Variants in NIPAL4 observed in about 807,000 individuals in gnomAD.
NIPAL4 encodes the protein NIPA like domain containing 4.
Under a neutral mutation model 31.6 loss-of-function variants are expected in NIPAL4, and 21 were observed. The observed-to-expected ratio is 0.67, with a 90% CI of 0.47 to 0.96. The LOEUF (loss-of-function observed/expected upper bound fraction) is 0.96. Among genes scored for constraint, NIPAL4 ranks in the 40% least tolerant of loss-of-function variants. The pLI, the probability that NIPAL4 is intolerant of heterozygous loss-of-function variation, is 0.00. For missense variants in NIPAL4, 438 were observed against 508.0 expected, an observed-to-expected ratio of 0.86 and a Z score of 1.32; for synonymous variants, 175 against 211.1, an observed-to-expected ratio of 0.83 and a Z score of 1.48.
chr5:157,461,407 T>C (rs1754102176), intron 1 of NIPAL4, among the ~76,000 whole-genome samples: 1 of 152,334 alleles, frequency 6.6e-6, no homozygotes, highest in African/African-American at 2.4e-5. Context: ...GGCTTTACTG[T>C]GACAGCCAAG....
rs772226292 is a variant in NIPAL4, at chr5:157,463,276, G to A, written c.220G>A (p.Val74Ile). 2.4e-5 allele frequency: 39 copies of A among 1,613,736 alleles called. No homozygotes were observed. Among genetic ancestry groups the A allele is most frequent in the African/African-American group, 1.2e-4 (9 of 74,916 alleles). ...FLSSFLIGSS[V>I]ILKKKGLLRL... ...GTCTAGCTTCCTCATCGGCAGCAGC[G>A]TCATCCTCAAGAAGAAAGGCCTCTT... Residue 74 changes from valine to isoleucine, a missense_variant, in exon 2 of 6, where the codon GTC (valine) becomes ATC (isoleucine). By Grantham distance (29) the Val-to-Ile change is conservative (BLOSUM62 3). Coordinates refer to ENST00000311946, the MANE Select transcript of NIPAL4 (RefSeq NM_001099287.2).
intron 1 of NIPAL4, chr5:157,460,685 A>C: frequency 1.8e-6 from 1 of 556,060 alleles, no homozygotes; most frequent in Non-Finnish European, 3.4e-6. Flanking sequence ...TGTGTTTTTA[A>C]TGTGTAGTTG....
Position 157,463,284 on chromosome 5 carries a change from C to T in NIPAL4, c.228C>T (p.Leu76=). The change falls in exon 2 of 6, where the codon CTC becomes CTT. Residue 76 remains leucine, a synonymous_variant. Transcript: ENST00000311946. Reference sequence around the variant, plus strand: ...TCCTCATCGGCAGCAGCGTCATCCTCAAGAAGAAAGGCCTCTTGCGACTCG... The same window carrying T: ...TCCTCATCGGCAGCAGCGTCATCCTTAAGAAGAAAGGCCTCTTGCGACTCG... ...SSFLIGSSVI[L]KKKGLLRLVA... The T allele has an allele frequency of 6.2e-7, 1 of 1,613,776 alleles. No individual in the cohort carries two copies. Among genetic ancestry groups the T allele is most frequent in the East Asian group, 2.2e-5 (1 of 44,870 alleles).
intron 1 of NIPAL4, 34 bp downstream of exon 1, chr5:157,460,391 C>T: frequency 6.6e-7 from 1 of 1,521,616 alleles, no homozygotes; most frequent in East Asian, 2.5e-5. Context: ...CAGGCGGGCT[C>T]CGCGCTTCGC....
intron 2 of NIPAL4, among the ~76,000 whole-genome samples, chr5:157,464,822 TC>T (rs766666961): frequency 2.6e-5 from 4 of 152,214 alleles, no homozygotes; most frequent in Non-Finnish European, 5.9e-5. Context: ...TAATTCTGGC[TC>T]CTCAATTCCT....
Position 157,468,807 on chromosome 5 carries a change from C to T in NIPAL4, c.420C>T (p.Leu140=), listed in dbSNP as rs1754350366. The change falls in exon 4 of 6, where the codon CTC becomes CTT. Residue 140 remains leucine, a synonymous_variant. Transcript: ENST00000311946. ...VVTPLGALSV[L]ISAILSSYFL... is the part of the protein sequence containing the mutation. The stretch of plus-strand genomic sequence containing the variant: ...CGCCTCTGGGAGCGCTGAGTGTCCT[C>T]ATAAGGTTATTGTCCCCTCTCTAGC... The T allele has an allele frequency of 1.3e-6, 2 of 1,597,836 alleles. No individual in the cohort carries two copies. Among genetic ancestry groups the T allele is most frequent in the African/African-American group, 1.3e-5 (1 of 74,382 alleles).
intron 2 of NIPAL4, among the ~76,000 whole-genome samples, chr5:157,465,446 G>A (rs551407609): frequency 7.8e-4 from 118 of 152,216 alleles, no homozygotes; most frequent in Middle Eastern, 3.4e-3. Flanking sequence ...TTAGAAAAGT[G>A]GGCATTCCCA....
At chr5:157,471,903 C>T in intron 5 of NIPAL4, 86 bp downstream of exon 5, 1 of 1,028,170 alleles carries the variant, frequency 9.7e-7, no homozygotes, top group Non-Finnish European at 1.5e-6. Flanking sequence ...TGGGTTCTGA[C>T]CACCTCAGGT....
At chr5:157,463,452 C>A in intron 2 of NIPAL4, 119 bp downstream of exon 2, 1 of 1,212,824 alleles carries the variant, frequency 8.2e-7, no homozygotes, top group Non-Finnish European at 1.1e-6. Flanking sequence ...TCAACCCTAT[C>A]TGGAATCCCA....
At position 157,466,954 on chromosome 5, in the gene NIPAL4, C is replaced by T. The variant is rs545168976; in HGVS notation, c.278-95C>T. The T allele has an allele frequency of 8.7e-5, 78 of 896,888 alleles. No individual in the cohort carries two copies. In the South Asian group the frequency reaches 1.0e-3, roughly 12 times the overall value. 55.6% of individuals were successfully genotyped at this position (896,888 alleles called of 1,614,324 possible). A position where few individuals can be genotyped will look rare whatever the true frequency, so the allele number is the denominator to read the frequency against. ...CCCAGAACCAAGCCTCAAGGAGCAG[C>T]CCTTAGAGGCCGGGGAGTGAGCAGA... On this transcript the variant is annotated intron_variant, in intron 2 of 5. Transcript: ENST00000311946.
Position 157,468,752 on chromosome 5 carries a change from C to T in NIPAL4, c.365C>T (p.Ala122Val). Reference protein sequence around the residue: ...MAAGEVANFGAYAFAPATVVT... With the variant: ...MAAGEVANFGVYAFAPATVVT... ...GCTGGAGAAGTTGCCAACTTTGGAG[C>T]CTACGCATTTGCACCTGCAACAGTC... Residue 122 changes from alanine (A) to valine (V), a missense_variant, in exon 4 of 6, where the codon GCC becomes GTC. Ala to Val is a moderately conservative substitution (Grantham distance 64). Transcript: ENST00000311946. 1.9e-6 allele frequency: 3 copies of T among 1,612,266 alleles called. No homozygotes were observed. The highest frequency in any genetic ancestry group is 2.5e-6 in the Non-Finnish European group (3 of 1,178,828).
Position 157,463,251 on chromosome 5 carries a change from G to A in NIPAL4, c.195G>A (p.Leu65=). 6.2e-7 allele frequency: 1 copy of A among 1,613,996 alleles called. No homozygotes were observed. Among genetic ancestry groups the A allele is most frequent in the Non-Finnish European group, 8.5e-7 (1 of 1,179,890 alleles). The change falls in exon 2 of 6, where the codon CTG becomes CTA. Residue 65 remains leucine (L), a synonymous_variant. Coordinates refer to ENST00000311946, the MANE Select transcript of NIPAL4 (RefSeq NM_001099287.2). ...GFYIGLGLAF[L]SSFLIGSSVI... ...ACATCGGCCTGGGCCTGGCATTCCT[G>A]TCTAGCTTCCTCATCGGCAGCAGCG... is the stretch of plus-strand genomic sequence containing the variant.
Position 157,472,862 on chromosome 5 carries a change from A to G in NIPAL4, c.1117A>G (p.Ile373Val), listed in dbSNP as rs1754481234. The part of the protein sequence containing the change: ...PPSPAPEPTV[I>V]RLEDKNVLVD... ...TTCTCCCGCCCCGGAACCCACTGTTATTAGACTGGAAGACAAGAACGTCCT... is the reference window on the plus strand; with the variant it reads ...TTCTCCCGCCCCGGAACCCACTGTTGTTAGACTGGAAGACAAGAACGTCCT... Residue 373 changes from isoleucine to valine, a missense_variant, in exon 6 of 6, where the codon ATT becomes GTT. Physicochemically the swap from Ile to Val is conservative, Grantham distance 29. Coordinates refer to ENST00000311946, the MANE Select transcript of NIPAL4 (RefSeq NM_001099287.2). 1 of 1,569,200 alleles carries G rather than the reference A, an allele frequency of 6.4e-7. No homozygotes were observed. Among genetic ancestry groups the G allele is most frequent in the Admixed American group, 1.7e-5 (1 of 57,232 alleles).
chr5:157,472,848 C>T lies in NIPAL4; in HGVS notation c.1103C>T (p.Pro368Leu), dbSNP rs371714489. The T allele has an allele frequency of 1.5e-5, 23 of 1,582,830 alleles. No homozygotes were observed. Among genetic ancestry groups the T allele is most frequent in the East Asian group, 4.5e-5 (2 of 44,576 alleles). ...MHKNPPPSPA[P>L]EPTVIRLEDK... is the part of the protein sequence containing the mutation. The stretch of plus-strand genomic sequence containing the variant: ...AAAAACCCACCCCCTTCTCCCGCCC[C>T]GGAACCCACTGTTATTAGACTGGAA... Residue 368 changes from proline (P) to leucine (L), a missense_variant, in exon 6 of 6, where the codon CCG (proline) becomes CTG (leucine). Pro to Leu is a moderately conservative substitution (Grantham distance 98). Transcript: ENST00000311946.
At chr5:157,464,301 T>C (rs1389037378) in intron 2 of NIPAL4, among the ~76,000 whole-genome samples, 2 of 151,928 alleles carry the variant, frequency 1.3e-5, no homozygotes, top group South Asian at 2.1e-4. Context: ...GAGGGGTGCA[T>C]GGTGAGTGAA....
chr5:157,460,381 C>G lies in NIPAL4; in HGVS notation c.37+24C>G, dbSNP rs180845128. ...CGGTGCGTACGGCAGGGCTGGGGAC[C>G]AGGCGGGCTCCGCGCTTCGCGCCCT... On this transcript the variant is annotated intron_variant, in intron 1 of 5. Transcript: ENST00000311946. 33,860 of 1,532,750 alleles carry G rather than the reference C, an allele frequency of 0.022. 558 individuals are homozygous for G. Among genetic ancestry groups the G allele is most frequent in the South Asian group, 0.052 (4,376 of 83,720 alleles). The allele number at this position is 1,532,750 out of a possible 1,614,324, so 94.9% of individuals were successfully genotyped here.
In NIPAL4 at chr5:157,471,712, G is replaced by C; in HGVS notation, c.481G>C (p.Gly161Arg). 6.2e-7 allele frequency: 1 copy of C among 1,608,486 alleles called. No individual in the cohort carries two copies. The highest frequency in any genetic ancestry group is 8.5e-7 in the Non-Finnish European group (1 of 1,177,394). ...RESLNLLGKLGCVICVAGSTV... is the reference protein window; with the variant it reads ...RESLNLLGKLRCVICVAGSTV... The stretch of plus-strand genomic sequence containing the variant: ...GAGTCTGAACCTGCTGGGGAAGCTG[G>C]GCTGTGTGATCTGTGTGGCCGGAAG... Residue 161 changes from glycine (G) to arginine (R), a missense_variant, in exon 5 of 6, where the codon GGC becomes CGC. By Grantham distance (125) the Gly-to-Arg change is moderately radical. Transcript: ENST00000311946.
chr5:157,472,883 G>T lies in NIPAL4; in HGVS notation c.1138G>T (p.Val380Phe). The change falls in exon 6 of 6, where the codon GTC becomes TTC. Residue 380 changes from valine (V) to phenylalanine (F), a missense_variant. Transcript: ENST00000311946. ...PTVIRLEDKN[V>F]LVDNIELAST... ...TGTTATTAGACTGGAAGACAAGAAC[G>T]TCCTTGTGGACAATATAGAACTTGC... The T allele has an allele frequency of 6.4e-7, 1 of 1,557,248 alleles. No individual in the cohort carries two copies. The highest frequency in any genetic ancestry group is 8.7e-7 in the Non-Finnish European group (1 of 1,148,676).
intron 2 of NIPAL4, among the ~76,000 whole-genome samples, chr5:157,466,269 C>T (rs1029382748): frequency 1.3e-5 from 2 of 152,078 alleles, no homozygotes; most frequent in African/African-American, 4.8e-5. Flanking sequence ...AAGAGCTCAT[C>T]GTTTTTGGAG....
Sources: allele counts gnomAD v4.1 joint callset (sites outside exome capture counted in the v4.1 genomes callset), GRCh38; gene constraint gnomAD v4.1.1; transcripts MANE v1.5; gene names NCBI Gene and HGNC (gene_info 2026-07-23, HGNC 2026-07-21).